Variants in MDGA2 observed in about 807,000 individuals in gnomAD.
The protein encoded by MDGA2 is MAM domain containing glycosylphosphatidylinositol anchor 2.
MDGA2 carries 40 observed loss-of-function variants against 117.8 expected under a neutral mutation model. That is an observed-to-expected ratio of 0.34 (90% CI 0.26 to 0.44). The LOEUF is 0.44. MDGA2 is among the 20% of genes least tolerant of loss of function. The pLI is 1.00. For missense variants in MDGA2, 1,123 were observed against 1,250.6 expected, an observed-to-expected ratio of 0.90 and a Z score of 1.54; for synonymous variants, 452 against 439.0, an observed-to-expected ratio of 1.03 and a Z score of -0.37.
intron 8 of MDGA2, among the ~76,000 whole-genome samples, chr14:47,009,069 T>C (rs1426845755): frequency 6.6e-6 from 1 of 152,046 alleles, no homozygotes; most frequent in Non-Finnish European, 1.5e-5. Flanking sequence ...AGGTTTACGA[T>C]ATTTAATTAA....
At chr14:47,634,411 A>G (rs1266750782) in intron 1 of MDGA2, among the ~76,000 whole-genome samples, 2 of 152,094 alleles carry the variant, frequency 1.3e-5, no homozygotes, top group Non-Finnish European at 2.9e-5. Flanking sequence ...TATTAGTTGT[A>G]TAACTGTGTA....
At chr14:47,522,924 T>G (rs756718569) in intron 1 of MDGA2, among the ~76,000 whole-genome samples, 4 of 152,212 alleles carry the variant, frequency 2.6e-5, no homozygotes, top group Non-Finnish European at 5.9e-5. Flanking sequence ...CACGAATTGC[T>G]GAGCTAATCA....
intron 1 of MDGA2, among the ~76,000 whole-genome samples, chr14:47,378,154 G>A (rs537701723): frequency 6.6e-6 from 1 of 152,302 alleles, no homozygotes; most frequent in East Asian, 1.9e-4. Flanking sequence ...GGTCCTGACT[G>A]TTAGAAGGAA....
intron 1 of MDGA2, among the ~76,000 whole-genome samples, chr14:47,392,570 G>T (rs796294025): frequency 6.6e-6 from 1 of 152,104 alleles, no homozygotes; most frequent in African/African-American, 2.4e-5. Flanking sequence ...AGAACTTTCA[G>T]GGTAAACAGT....
chr14:46,947,119 TA>T (rs1885197460), intron 9 of MDGA2, among the ~76,000 whole-genome samples: 1 of 152,104 alleles, frequency 6.6e-6, no homozygotes, highest in African/African-American at 2.4e-5. Flanking sequence ...GAATTCTTTT[TA>T]AAATTATCTT....
intron 1 of MDGA2, among the ~76,000 whole-genome samples, chr14:47,601,945 T>C (rs541313932): frequency 6.6e-6 from 1 of 152,298 alleles, no homozygotes; most frequent in Non-Finnish European, 1.5e-5. Context: ...AGTTTTGATT[T>C]AGGCTTATTT....
intron 8 of MDGA2, among the ~76,000 whole-genome samples, chr14:46,975,707 G>A (rs558281421): frequency 1.3e-5 from 2 of 152,118 alleles, no homozygotes; most frequent in East Asian, 3.9e-4. Flanking sequence ...ATCTTAGTAC[G>A]TTTGAGTTAC....
At position 46,842,010 on chromosome 14, in the gene MDGA2, T is replaced by C; in HGVS notation, c.2999A>G (p.Asp1000Gly). The change falls in exon 17 of 17, where the codon GAT (aspartate) becomes GGT (glycine). Residue 1000 changes from aspartate to glycine, a missense_variant. Around this residue, in one of 2 missense-constraint regions of MDGA2, gnomAD observed 890 missense variants for 1,050.3 expected, o/e 0.85. Coordinates refer to ENST00000399232, the MANE Select transcript of MDGA2 (RefSeq NM_001113498.3). ...ATGAACCAAAATCCCAACAGCACCA[T>C]CAACGGAATCTAAAGATAAGGAAAA... Reference protein sequence around the residue: ...KQDLATKNSVDGAVGILVHIW... With the variant: ...KQDLATKNSVGGAVGILVHIW... 6.2e-7 allele frequency: 1 copy of C among 1,608,570 alleles called. No individual in the cohort carries two copies. Among genetic ancestry groups the C allele is most frequent in the South Asian group, 1.1e-5 (1 of 90,606 alleles).
intron 10 of MDGA2, among the ~76,000 whole-genome samples, chr14:46,913,782 A>G (rs1883796259): frequency 2.0e-5 from 3 of 152,144 alleles, no homozygotes; most frequent in Admixed American, 6.5e-5. Flanking sequence ...ATCGATTTCT[A>G]TGATACTCTT....
intron 11 of MDGA2, among the ~76,000 whole-genome samples, chr14:46,878,701 C>A (rs962254524): frequency 6.6e-6 from 1 of 151,740 alleles, no homozygotes; most frequent in Admixed American, 6.6e-5. Context: ...CTAAAAATAA[C>A]AATTTAATTT....
At chr14:47,131,657 G>A in intron 5 of MDGA2, 57 bp downstream of exon 5, 3 of 1,360,372 alleles carry the variant, frequency 2.2e-6, no homozygotes, top group Non-Finnish European at 3.0e-6. Flanking sequence ...GTTAAAGAGA[G>A]TTTTTAAACA....
At chr14:47,103,286 A>G (rs1328716644) in intron 5 of MDGA2, among the ~76,000 whole-genome samples, 1 of 152,234 alleles carries the variant, frequency 6.6e-6, no homozygotes, top group African/African-American at 2.4e-5. Flanking sequence ...TGATGAAGAT[A>G]TCACTGTACT....
chr14:47,508,938 C>T (rs1223467123), intron 1 of MDGA2, among the ~76,000 whole-genome samples: 6 of 152,156 alleles, frequency 3.9e-5, no homozygotes, highest in Admixed American at 2.6e-4. Flanking sequence ...GATCCACCCG[C>T]CTCGGCCTCC....
chr14:47,264,176 C>G (rs1887888624), intron 2 of MDGA2, among the ~76,000 whole-genome samples: 1 of 152,058 alleles, frequency 6.6e-6, no homozygotes, highest in South Asian at 2.1e-4. Context: ...ACTTCTGAGA[C>G]CCATCTATAA....
At chr14:47,123,367 C>T (rs980174698) in intron 5 of MDGA2, among the ~76,000 whole-genome samples, 29 of 151,950 alleles carry the variant, frequency 1.9e-4, no homozygotes, top group Non-Finnish European at 4.0e-4. Flanking sequence ...CTGGATACTG[C>T]CTTAGGAAAA....
At chr14:47,131,690 T>C in intron 5 of MDGA2, 24 bp downstream of exon 5, 4 of 1,469,662 alleles carry the variant, frequency 2.7e-6, no homozygotes, top group Non-Finnish European at 3.7e-6. Flanking sequence ...AAGATACATG[T>C]AACATACAGA....
At chr14:47,069,125 T>A (rs1054356480) in intron 6 of MDGA2, among the ~76,000 whole-genome samples, 1 of 152,214 alleles carries the variant, frequency 6.6e-6, no homozygotes, top group Non-Finnish European at 1.5e-5. Context: ...TATTGCTTGA[T>A]AAAATGGTGA....
At chr14:47,254,737 C>T (rs1205360588) in intron 2 of MDGA2, among the ~76,000 whole-genome samples, 1 of 152,184 alleles carries the variant, frequency 6.6e-6, no homozygotes, top group Non-Finnish European at 1.5e-5. Flanking sequence ...TATAGCAGAG[C>T]CCCATTACCA....
chr14:47,101,115 AGATAGATAGACAGATAGAT>A (rs1320487745), intron 5 of MDGA2, among the ~76,000 whole-genome samples: 14 of 123,034 alleles, frequency 1.1e-4, no homozygotes, highest in Admixed American at 9.5e-4. Flanking sequence ...ATAGATAGAT[AGATAGATAGACAGATAGAT>A]AGAAAGAAAT....
Sources: gnomAD v4.1 joint callset for allele counts (sites outside exome capture counted in the v4.1 genomes callset) on GRCh38, gnomAD v4.1.1 for gene constraint, gnomAD v4.1.1 regional missense constraint, MANE v1.5 for transcripts, NCBI Gene and HGNC (gene_info 2026-07-23, HGNC 2026-07-21) for gene names.